The following TMPRSS7 variants were observed in gnomAD, a reference collection of about 807,000 sequenced individuals.
TMPRSS7 encodes the protein transmembrane protease serine 7.
In TMPRSS7, 81 loss-of-function variants were observed where a neutral mutation model predicts 95.6. The observed-to-expected ratio is 0.85, with a 90% CI of 0.71 to 1.02. TMPRSS7 has a LOEUF of 1.02. Among genes scored for constraint, TMPRSS7 ranks in the 50% least tolerant of loss-of-function variants. The probability of loss-of-function intolerance (pLI) is 0.00; values close to 1 mark genes in which losing one functional copy is unlikely to be tolerated. For missense variants in TMPRSS7, 945 were observed against 955.2 expected (o/e 0.99, Z 0.14); for synonymous variants, 364 against 337.8 (o/e 1.08, Z -0.85).
intron 3 of TMPRSS7, among the ~76,000 whole-genome samples, chr3:112,042,387 G>GT (rs371394270): frequency 6.5e-4 from 99 of 152,074 alleles, no homozygotes; most frequent in African/African-American, 2.3e-3. Flanking sequence ...TTCCATTATT[G>GT]TACACATTTA....
intron 11 of TMPRSS7, among the ~76,000 whole-genome samples, chr3:112,062,935 T>C (rs1375223106): frequency 6.6e-6 from 1 of 152,148 alleles, no homozygotes; most frequent in Non-Finnish European, 1.5e-5. Context: ...AGAAGCCTGG[T>C]TGAAGAGGAA....
rs142439587 is a variant in TMPRSS7 at position 112,042,833 on chromosome 3, A to G, written c.429+783A>G. ...CTCCCTTAGGTGGTTTCCTAAAAGC[A>G]TAATTACTTGGACAAATAGAAAAGT... On this transcript the variant is annotated intron_variant, in intron 3 of 17. Coordinates refer to ENST00000452346, the Ensembl canonical transcript of TMPRSS7. 240 of 337,394 alleles carry G rather than the reference A, an allele frequency of 7.1e-4. No individual in the cohort carries two copies. The East Asian group carries it at 0.017, about 24-fold the overall frequency. 20.9% of individuals were successfully genotyped at this position (337,394 alleles called of 1,614,324 possible). A position where few individuals can be genotyped will look rare whatever the true frequency, so the allele number is the denominator to read the frequency against.
chr3:112,058,003 G>C (rs1051016638), intron 10 of TMPRSS7, among the ~76,000 whole-genome samples: 5 of 152,188 alleles, frequency 3.3e-5, no homozygotes, highest in African/African-American at 1.2e-4. Context: ...CAGGATTACA[G>C]GCATGAGCCA....
intron 13 of TMPRSS7, among the ~76,000 whole-genome samples, chr3:112,070,277 A>T (rs150431992): frequency 2.0e-5 from 3 of 152,232 alleles, no homozygotes; most frequent in African/African-American, 7.2e-5. Flanking sequence ...GATAAGTGTG[A>T]TGTGGTGCTG....
chr3:112,042,089 G>T (rs753733069), intron 3 of TMPRSS7, 39 bp downstream of exon 3: 2 of 1,521,634 alleles, frequency 1.3e-6, no homozygotes, highest in South Asian at 2.4e-5. Context: ...GGTAGAGTGG[G>T]TTTGCGGGGA....
intron 3 of TMPRSS7, 40 bp from the exon 4 acceptor site, chr3:112,044,215 A>G (rs1320386433): frequency 2.1e-6 from 3 of 1,398,858 alleles, no homozygotes; most frequent in East Asian, 2.5e-5. Flanking sequence ...AAGGAAGTCA[A>G]GTATGAAATA....
At chr3:112,070,330 A>G (rs937334265) in intron 13 of TMPRSS7, among the ~76,000 whole-genome samples, 2 of 152,204 alleles carry the variant, frequency 1.3e-5, no homozygotes, top group African/African-American at 4.8e-5. Context: ...AGAGTTCTGT[A>G]GATGTCTATT....
At position 112,080,626 on chromosome 3, in the gene TMPRSS7, T is replaced by A. The variant is rs552239305; in HGVS notation, c.2362-288T>A. ...GTATTACTGAGGTTTATTCTTTGTT[T>A]AGGGCTATGTGAGAGTTGTTTTCTC... is the stretch of plus-strand genomic sequence containing the variant. On this transcript the variant is annotated intron_variant, in intron 17 of 17. Transcript: ENST00000452346. Among the ~76,000 whole-genome samples, 7 of 152,204 alleles carry A rather than the reference T, an allele frequency of 4.6e-5. No homozygotes were observed. The South Asian group carries it at 1.0e-3, about 23-fold the overall frequency.
intron 7 of TMPRSS7, among the ~76,000 whole-genome samples, chr3:112,049,036 C>T (rs534196636): frequency 1.3e-5 from 2 of 152,230 alleles, no homozygotes; most frequent in Non-Finnish European, 2.9e-5. Context: ...AGGAAAAGCC[C>T]GGTCACTCTA....
chr3:112,065,401 A>G (rs967186005), intron 12 of TMPRSS7, among the ~76,000 whole-genome samples: 1 of 152,226 alleles, frequency 6.6e-6, no homozygotes, highest in Non-Finnish European at 1.5e-5. Context: ...CTTATGGTTC[A>G]TTGATTATTT....
At chr3:112,040,585 AC>A (rs1302044405) in intron 2 of TMPRSS7, among the ~76,000 whole-genome samples, 2 of 152,180 alleles carry the variant, frequency 1.3e-5, no homozygotes, top group East Asian at 3.9e-4. Flanking sequence ...AACACACACA[AC>A]CCCAACCCAG....
intron 10 of TMPRSS7, among the ~76,000 whole-genome samples, chr3:112,061,326 C>T (rs906851779): frequency 5.9e-5 from 9 of 152,210 alleles, no homozygotes; most frequent in South Asian, 2.1e-4. Context: ...CTTATGTGCA[C>T]GTCAGATTTC....
At chr3:112,079,845 A>G (rs567686157) in intron 17 of TMPRSS7, among the ~76,000 whole-genome samples, 2 of 152,288 alleles carry the variant, frequency 1.3e-5, no homozygotes, top group South Asian at 2.1e-4. Context: ...GAAACTGGGC[A>G]CAGAGAGGGT....
chr3:112,057,134 A>G lies in TMPRSS7; in HGVS notation c.1310+3A>G. ...TGGTGGGAAATTAATGAGCACATGT[A>G]AGTGATTTTCATATGTTTTCATATG... is the stretch of plus-strand genomic sequence containing the variant. On this transcript the variant is annotated splice_donor_region_variant and intron_variant, in intron 10 of 17. Transcript: ENST00000452346. 1 of 1,597,294 alleles carries G rather than the reference A, an allele frequency of 6.3e-7. No individual in the cohort carries two copies. Among genetic ancestry groups the G allele is most frequent in the South Asian group, 1.1e-5 (1 of 90,092 alleles).
intron 13 of TMPRSS7, among the ~76,000 whole-genome samples, chr3:112,071,047 C>T (rs901442968): frequency 6.6e-6 from 1 of 152,186 alleles, no homozygotes; most frequent in Non-Finnish European, 1.5e-5. Flanking sequence ...GCATCGATGA[C>T]CTTTACAATT....
At chr3:112,048,049 T>G in intron 7 of TMPRSS7, 82 bp downstream of exon 7, 2 of 1,403,162 alleles carry the variant, frequency 1.4e-6, no homozygotes, top group Non-Finnish European at 2.0e-6. Flanking sequence ...CCCCTGGATT[T>G]TTTTTTAAAA....
At chr3:112,067,546 A>C (rs1301997866) in intron 13 of TMPRSS7, among the ~76,000 whole-genome samples, 1 of 152,172 alleles carries the variant, frequency 6.6e-6, no homozygotes, top group Non-Finnish European at 1.5e-5. Context: ...ATAGTATCTC[A>C]TTGTGGTTTT....
At position 112,050,128 on chromosome 3, in the gene TMPRSS7, T is replaced by C. The variant is rs115897972; in HGVS notation, c.1090+154T>C. 5.7e-3 allele frequency among the ~76,000 whole-genome samples: 868 copies of C among 152,336 alleles called. 7 individuals carry two copies. The highest frequency in any genetic ancestry group is 0.02 in the African/African-American group (831 of 41,566). Reference sequence around the variant, plus strand: ...CAGAAGAGAGAGACCATATTAGTTATTTAGACAGAATGAATTCTGTAAGAA... The same window carrying C: ...CAGAAGAGAGAGACCATATTAGTTACTTAGACAGAATGAATTCTGTAAGAA... On this transcript the variant is annotated intron_variant, in intron 8 of 17. Transcript: ENST00000452346.
intron 9 of TMPRSS7, among the ~76,000 whole-genome samples, chr3:112,054,840 C>T (rs1371905238): frequency 7.1e-6 from 1 of 140,824 alleles, no homozygotes; most frequent in Non-Finnish European, 1.5e-5. Context: ...CCCAGGTTCA[C>T]GCCATTCTCC....
Sources: gnomAD v4.1 joint callset for allele counts (sites outside exome capture counted in the v4.1 genomes callset) on GRCh38, gnomAD v4.1.1 for gene constraint, MANE v1.5 for transcripts, NCBI Gene and HGNC (gene_info 2026-07-23, HGNC 2026-07-21) for gene names.